GDA: variants seen among roughly 807,000 people sequenced by gnomAD.
The protein encoded by GDA is guanine deaminase.
In GDA, 18 loss-of-function variants were observed where a neutral mutation model predicts 59.6. The ratio of observed to expected loss-of-function variants is 0.30; its 90% CI spans 0.21 to 0.45. The LOEUF is 0.45. Among genes scored for constraint, GDA ranks in the 20% least tolerant of loss-of-function variants. GDA has a pLI of 1.00. For missense variants in GDA, 427 were observed against 552.3 expected, an observed-to-expected ratio of 0.77 and a Z score of 2.27; for synonymous variants, 201 against 201.1, an observed-to-expected ratio of 1.00 and a Z score of 0.00.
At chr9:72,152,156 G>C (rs1827294097) in intron 1 of GDA, among the ~76,000 whole-genome samples, 1 of 152,126 alleles carries the variant, frequency 6.6e-6, no homozygotes, top group East Asian at 1.9e-4. Flanking sequence ...TTTCTGTGAT[G>C]GGACAAGCTG....
intron 1 of GDA, among the ~76,000 whole-genome samples, chr9:72,185,589 A>T (rs1001521527): frequency 2.0e-5 from 3 of 152,184 alleles, no homozygotes; most frequent in Non-Finnish European, 2.9e-5. Context: ...TTGAGACCTC[A>T]TATTTTTATC....
intron 1 of GDA, among the ~76,000 whole-genome samples, chr9:72,159,088 C>T (rs1414774701): frequency 6.6e-6 from 1 of 152,136 alleles, no homozygotes; most frequent in African/African-American, 2.4e-5. Context: ...AAGGCCCCTT[C>T]AACATTTCAT....
At chr9:72,201,580 T>A (rs527796092) in intron 2 of GDA, among the ~76,000 whole-genome samples, 12 of 152,192 alleles carry the variant, frequency 7.9e-5, no homozygotes, top group Non-Finnish European at 1.5e-4. Flanking sequence ...TTTGATTTGA[T>A]AGCATGAGGA....
At chr9:72,229,648 C>T (rs557340205) in intron 9 of GDA, among the ~76,000 whole-genome samples, 1 of 152,114 alleles carries the variant, frequency 6.6e-6, no homozygotes, top group African/African-American at 2.4e-5. Context: ...AACTTCTGGC[C>T]GTCCCCAAAC....
At chr9:72,218,011 T>C (rs1836356077) in intron 5 of GDA, among the ~76,000 whole-genome samples, 1 of 152,046 alleles carries the variant, frequency 6.6e-6, no homozygotes, top group Non-Finnish European at 1.5e-5. Flanking sequence ...ACTCCCGGGT[T>C]TAAACAATTA....
At chr9:72,170,410 A>G (rs540688307) in intron 1 of GDA, among the ~76,000 whole-genome samples, 4 of 152,366 alleles carry the variant, frequency 2.6e-5, no homozygotes, top group Admixed American at 6.5e-5. Flanking sequence ...TTCTTAGCAC[A>G]TAACTAGATT....
intron 11 of GDA, among the ~76,000 whole-genome samples, chr9:72,242,992 T>A (rs1839787351): frequency 6.6e-6 from 1 of 152,206 alleles, no homozygotes; most frequent in Admixed American, 6.5e-5. Flanking sequence ...TTTAAATCTA[T>A]TTTCTGGGTC....
At chr9:72,192,921 C>T (rs1832731351) in intron 1 of GDA, among the ~76,000 whole-genome samples, 1 of 152,138 alleles carries the variant, frequency 6.6e-6, no homozygotes, top group Non-Finnish European at 1.5e-5. Context: ...CAGTCTGATG[C>T]ATTCTTCATT....
intron 3 of GDA, among the ~76,000 whole-genome samples, chr9:72,205,390 G>A (rs907114864): frequency 1.1e-4 from 16 of 152,146 alleles, no homozygotes; most frequent in African/African-American, 3.6e-4. Flanking sequence ...TGTAATTAGG[G>A]CACTTCCTGA....
chr9:72,140,743 C>A (rs1217926687), intron 1 of GDA, among the ~76,000 whole-genome samples: 3 of 152,280 alleles, frequency 2.0e-5, no homozygotes, highest in East Asian at 1.9e-4. Flanking sequence ...GAAGTACATA[C>A]CTCACGGCAC....
intron 1 of GDA, among the ~76,000 whole-genome samples, chr9:72,139,583 G>A (rs899668137): frequency 6.6e-6 from 1 of 152,156 alleles, no homozygotes; most frequent in Non-Finnish European, 1.5e-5. Context: ...GCTTTGGGAA[G>A]TTGAGGCAGG....
chr9:72,142,755 A>G (rs1587330306), intron 1 of GDA, among the ~76,000 whole-genome samples: 1 of 152,090 alleles, frequency 6.6e-6, no homozygotes, highest in East Asian at 1.9e-4. Context: ...AAAGTGGAAT[A>G]CCTTTTATTT....
At chr9:72,157,340 C>A (rs913189430) in intron 1 of GDA, among the ~76,000 whole-genome samples, 1 of 152,148 alleles carries the variant, frequency 6.6e-6, no homozygotes, top group African/African-American at 2.4e-5. Flanking sequence ...GGTAGCCAGC[C>A]CAGACTTCTT....
At chr9:72,175,317 C>T (rs1327600466) in intron 1 of GDA, among the ~76,000 whole-genome samples, 1 of 152,108 alleles carries the variant, frequency 6.6e-6, no homozygotes, top group African/African-American at 2.4e-5. Context: ...CAGGGGTGAA[C>T]CACCACACCC....
chr9:72,168,390 CTT>C (rs77778231), intron 1 of GDA, among the ~76,000 whole-genome samples: 11 of 105,902 alleles, frequency 1.0e-4, no homozygotes, highest in Admixed American at 1.1e-4. Flanking sequence ...GAGACTTTGT[CTT>C]TTTTTTTTTT....
intron 2 of GDA, 24 bp from the exon 3 acceptor site, chr9:72,202,547 T>G (rs1394374532): frequency 6.8e-7 from 1 of 1,473,660 alleles, no homozygotes; most frequent in South Asian, 1.2e-5. Flanking sequence ...TATTAAATAC[T>G]TTTATTCTCA....
At chr9:72,195,924 TAA>T in intron 2 of GDA, among the ~76,000 whole-genome samples, 1 of 152,172 alleles carries the variant, frequency 6.6e-6, no homozygotes, top group South Asian at 2.1e-4. Flanking sequence ...ACAAAGACAG[TAA>T]ACAAGCAAAC....
intron 1 of GDA, among the ~76,000 whole-genome samples, chr9:72,165,121 A>ATTCCTGTATTTGTATGATTTTTCCCAGCC (rs1334761510): frequency 3.9e-5 from 6 of 152,144 alleles, no homozygotes; most frequent in Non-Finnish European, 8.8e-5. Context: ...TTGTGCTCAT[A>ATTCCTGTATTTGTATGATTTTTCCCAGCC]TTCCTGTATT....
intron 1 of GDA, among the ~76,000 whole-genome samples, chr9:72,133,302 A>ATAATAAT (rs747825485): frequency 7.3e-6 from 1 of 137,790 alleles, no homozygotes; most frequent in Non-Finnish European, 1.6e-5. Context: ...AAAAAAAAAA[A>ATAATAAT]AAAAAAAATA....
Sources: allele counts gnomAD v4.1 joint callset (sites outside exome capture counted in the v4.1 genomes callset), GRCh38; gene constraint gnomAD v4.1.1; transcripts MANE v1.5; gene names NCBI Gene and HGNC (gene_info 2026-07-23, HGNC 2026-07-21).